LHX4: variants seen among roughly 807,000 people sequenced by gnomAD.
LHX4 encodes LIM/homeobox protein Lhx4.
A neutral mutation model predicts 39.2 loss-of-function variants in LHX4; 16 were observed. The ratio of observed to expected loss-of-function variants is 0.41; its 90% CI spans 0.28 to 0.62. LHX4 has a LOEUF of 0.62. LHX4 is among the 20% of genes least tolerant of loss of function. The pLI is 0.33. For synonymous variants in LHX4, 206 were observed against 198.1 expected (o/e 1.04, Z -0.33); for missense variants, 439 against 511.9 (o/e 0.86, Z 1.37).
chr1:180,251,582 G>A (rs1038887096), intron 2 of LHX4, among the ~76,000 whole-genome samples: 1 of 152,212 alleles, frequency 6.6e-6, no homozygotes, highest in Non-Finnish European at 1.5e-5. Flanking sequence ...TCTGCGCTTT[G>A]TCCATAGGCC....
At chr1:180,250,868 T>C (rs1228743190) in intron 2 of LHX4, among the ~76,000 whole-genome samples, 3 of 152,136 alleles carry the variant, frequency 2.0e-5, no homozygotes, top group Non-Finnish European at 4.4e-5. Context: ...GCGCCCACAG[T>C]GTGTGCTGAG....
chr1:180,235,876 A>G (rs1424259728), intron 1 of LHX4, among the ~76,000 whole-genome samples: 1 of 152,224 alleles, frequency 6.6e-6, no homozygotes, highest in East Asian at 1.9e-4. Flanking sequence ...TTTGTGCAGG[A>G]TGGGACCTTA....
At chr1:180,245,773 T>C (rs888508113) in intron 1 of LHX4, among the ~76,000 whole-genome samples, 3 of 151,226 alleles carry the variant, frequency 2.0e-5, no homozygotes, top group South Asian at 2.1e-4. Context: ...GTGAGGAAAC[T>C]GAGGCAGAGA....
intron 1 of LHX4, among the ~76,000 whole-genome samples, chr1:180,231,247 C>A (rs901151492): frequency 2.0e-5 from 3 of 151,860 alleles, no homozygotes; most frequent in African/African-American, 4.8e-5. Flanking sequence ...GAGAAGCGAC[C>A]GCAAGTTGTG....
chr1:180,229,915 C>G (rs1340940207), upstream of LHX4, among the ~76,000 whole-genome samples: 1 of 147,396 alleles, frequency 6.8e-6, no homozygotes, highest in African/African-American at 2.5e-5. Flanking sequence ...AATTTATACC[C>G]AGGGCGCGAG....
intron 1 of LHX4, among the ~76,000 whole-genome samples, chr1:180,235,531 C>T (rs921128400): frequency 2.0e-5 from 3 of 152,226 alleles, no homozygotes; most frequent in African/African-American, 7.2e-5. Flanking sequence ...AAGCGATGCT[C>T]CCATTTTCGA....
rs1276937313 is a variant in LHX4, at chr1:180,239,091, A to C, written c.76+8486A>C. Among the ~76,000 whole-genome samples the C allele has an allele frequency of 2.0e-5, 3 of 152,230 alleles. No individual in the cohort carries two copies. The East Asian group carries it at 5.8e-4, about 29-fold the overall frequency. Reference sequence around the variant, plus strand: ...TCTTAGTTAATTTAATTTTAATGTAACTATACCTCCGTTATAAATCTTTGA... The same window carrying C: ...TCTTAGTTAATTTAATTTTAATGTACCTATACCTCCGTTATAAATCTTTGA... On this transcript the variant is annotated intron_variant, in intron 1 of 5. Coordinates refer to ENST00000263726, the MANE Select transcript of LHX4 (RefSeq NM_033343.4).
intron 1 of LHX4, among the ~76,000 whole-genome samples, chr1:180,238,782 A>G (rs988862286): frequency 3.3e-5 from 5 of 152,232 alleles, no homozygotes; most frequent in African/African-American, 1.2e-4. Context: ...TATAAAAACG[A>G]GAACTATAAA....
At chr1:180,249,100 C>T (rs533499004) in intron 2 of LHX4, among the ~76,000 whole-genome samples, 1 of 152,340 alleles carries the variant, frequency 6.6e-6, no homozygotes, top group East Asian at 1.9e-4. Context: ...GGTTACTTAA[C>T]TTCTCTATGC....
At chr1:180,267,598 C>T (rs2794962) in intron 3 of LHX4, among the ~76,000 whole-genome samples, 80,030 of 152,126 alleles carry the variant, frequency 0.53, 22,606 homozygotes, top group African/African-American at 0.73. Flanking sequence ...AACATGATAA[C>T]CTCAGAGGTG....
chr1:180,233,880 A>G (rs954576782), intron 1 of LHX4, among the ~76,000 whole-genome samples: 12 of 151,950 alleles, frequency 7.9e-5, no homozygotes, highest in Non-Finnish European at 1.8e-4. Context: ...AGCTGTAGGA[A>G]AAAGGTATTT....
In LHX4 at chr1:180,230,735, G is replaced by A; in HGVS notation, c.76+130G>A. The A allele has an allele frequency of 1.2e-6, 1 of 821,526 alleles. No homozygotes were observed. Among genetic ancestry groups the A allele is most frequent in the Non-Finnish European group, 2.0e-6 (1 of 489,076 alleles). 50.9% of individuals were successfully genotyped at this position (821,526 alleles called of 1,614,324 possible). ...CGGCCGGGGCGCAGAGGCGGTCACA[G>A]GGCAGGGGCACCAGCCAGAGTGCGT... On this transcript the variant is annotated intron_variant, in intron 1 of 5. Coordinates refer to ENST00000263726, the MANE Select transcript of LHX4 (RefSeq NM_033343.4). This position sits in a 1 kb window ranked among gnomAD's most constrained non-coding sequence, Gnocchi z 5.8.
intron 2 of LHX4, among the ~76,000 whole-genome samples, chr1:180,250,097 CT>C (rs1647559538): frequency 6.6e-6 from 1 of 152,138 alleles, no homozygotes; most frequent in African/African-American, 2.4e-5. Context: ...TTCCTCTGAG[CT>C]TTTTGTGTAC....
intron 1 of LHX4, among the ~76,000 whole-genome samples, chr1:180,237,590 G>T (rs1664355101): frequency 6.6e-6 from 1 of 152,140 alleles, no homozygotes; most frequent in African/African-American, 2.4e-5. Flanking sequence ...GTCGTCTTGG[G>T]AGGTGAGTCC....
chr1:180,254,320 C>T (rs961219658), intron 2 of LHX4, among the ~76,000 whole-genome samples: 1 of 152,210 alleles, frequency 6.6e-6, no homozygotes, highest in South Asian at 2.1e-4. Flanking sequence ...GGATGGAGGC[C>T]GCTGTGTCGC....
intron 1 of LHX4, among the ~76,000 whole-genome samples, chr1:180,231,453 GC>G (rs1664176371): frequency 6.6e-6 from 1 of 151,650 alleles, no homozygotes; most frequent in Non-Finnish European, 1.5e-5. Context: ...GGGTGTGCGC[GC>G]GCAGAGATTT....
chr1:180,231,926 C>T (rs1664192770), intron 1 of LHX4, among the ~76,000 whole-genome samples: 1 of 152,104 alleles, frequency 6.6e-6, no homozygotes, highest in Non-Finnish European at 1.5e-5. Flanking sequence ...TCATCCAAGC[C>T]TATTTAGATT....
chr1:180,258,997 A>G (rs112734294), intron 2 of LHX4, among the ~76,000 whole-genome samples: 2,250 of 152,090 alleles, frequency 0.015, 50 homozygotes, highest in African/African-American at 0.042. Flanking sequence ...GGGTGTTGGT[A>G]GGAGTTTGGT....
intron 1 of LHX4, among the ~76,000 whole-genome samples, chr1:180,231,739 T>C (rs1007501218): frequency 6.6e-6 from 1 of 151,900 alleles, no homozygotes; most frequent in African/African-American, 2.4e-5. Flanking sequence ...GGGGTTTACT[T>C]TAAGTAAGGG....
Sources: allele counts gnomAD v4.1 joint callset (sites outside exome capture counted in the v4.1 genomes callset), GRCh38; gene constraint gnomAD v4.1.1; non-coding constraint Gnocchi (gnomAD v3.1); transcripts MANE v1.5; gene names NCBI Gene and HGNC (gene_info 2026-07-23, HGNC 2026-07-21).